Variants in RANBP2 observed in about 807,000 individuals in gnomAD.
The protein encoded by RANBP2 is RAN binding protein 2, also known as E3 SUMO-protein ligase RanBP2.
In RANBP2, 57 loss-of-function variants were observed where a neutral mutation model predicts 303.6. The observed-to-expected ratio is 0.19, with a 90% CI of 0.15 to 0.23. The LOEUF is 0.23. RANBP2 is among the 10% of genes least tolerant of loss of function. The pLI, the probability that RANBP2 is intolerant of heterozygous loss-of-function variation, is 1.00. For missense variants in RANBP2, 3,138 were observed against 3,780.8 expected (o/e 0.83, Z 4.46); for synonymous variants, 1,167 against 1,301.5 (o/e 0.90, Z 2.23).
At chr2:109,661,438 G>A in the RANBP2 span, among the ~76,000 whole-genome samples, 142 of 152,240 alleles carry the variant, frequency 9.3e-4, 1 homozygote, top group African/African-American at 3.2e-3. Flanking sequence ...AGTAGAGACA[G>A]GGTTTCACCA....
the RANBP2 span, among the ~76,000 whole-genome samples, chr2:109,252,254 G>GA: frequency 0.65 from 93,888 of 144,446 alleles, 30,420 homozygotes; most frequent in East Asian, 0.89. Context: ...TCTCAGAGGA[G>GA]AAAAAAAAAA....
At chr2:109,686,297 T>C in the RANBP2 span, among the ~76,000 whole-genome samples, 2 of 152,120 alleles carry the variant, frequency 1.3e-5, no homozygotes, top group Non-Finnish European at 2.9e-5. Context: ...TCAAATCATG[T>C]TTAAGTCAAT....
At chr2:109,170,186 C>T in the RANBP2 span, among the ~76,000 whole-genome samples, 2 of 152,146 alleles carry the variant, frequency 1.3e-5, no homozygotes, top group Admixed American at 1.3e-4. Flanking sequence ...TCCTTATCTG[C>T]AGATGAACGA....
chr2:109,656,154 T>A, the RANBP2 span, among the ~76,000 whole-genome samples: 2 of 152,194 alleles, frequency 1.3e-5, no homozygotes, highest in Non-Finnish European at 2.9e-5. Flanking sequence ...TCTTTGCTAC[T>A]GCACCATGAG....
chr2:109,215,697 C>G, the RANBP2 span, among the ~76,000 whole-genome samples: 1 of 152,146 alleles, frequency 6.6e-6, no homozygotes, highest in African/African-American at 2.4e-5. Context: ...AATCCTACAC[C>G]CAGACCGTGT....
the RANBP2 span, chr2:109,667,375 G>A: frequency 1.1e-5 from 5 of 466,434 alleles, no homozygotes; most frequent in African/African-American, 2.0e-5. Flanking sequence ...CTGTAACTCA[G>A]TTTTGATCAG....
At chr2:109,136,436 A>G in the RANBP2 span, among the ~76,000 whole-genome samples, 1 of 152,214 alleles carries the variant, frequency 6.6e-6, no homozygotes, top group African/African-American at 2.4e-5. Context: ...TATTGGCAAC[A>G]GTGAATGGTT....
At chr2:109,403,583 C>T in the RANBP2 span, among the ~76,000 whole-genome samples, 3,108 of 152,334 alleles carry the variant, frequency 0.02, 64 homozygotes, top group African/African-American at 0.049. Flanking sequence ...AAAGGAGACA[C>T]GCAGGAGAAT....
chr2:108,938,121 CAG>C, the RANBP2 span, among the ~76,000 whole-genome samples: 1 of 152,232 alleles, frequency 6.6e-6, no homozygotes, highest in Non-Finnish European at 1.5e-5. Context: ...GAATCTTCAG[CAG>C]AACCCACAGA....
At chr2:109,560,077 C>T in the RANBP2 span, among the ~76,000 whole-genome samples, 9 of 152,100 alleles carry the variant, frequency 5.9e-5, no homozygotes, top group East Asian at 1.5e-3. Flanking sequence ...CCCGCCACCA[C>T]GCCCAGCTAA....
the RANBP2 span, among the ~76,000 whole-genome samples, chr2:109,018,888 T>C: frequency 6.6e-6 from 1 of 152,232 alleles, no homozygotes; most frequent in South Asian, 2.1e-4. Context: ...GGAGAGTAAG[T>C]GTTTGCTCAC....
At chr2:109,015,256 A>G in the RANBP2 span, among the ~76,000 whole-genome samples, 1 of 151,548 alleles carries the variant, frequency 6.6e-6, no homozygotes, top group Non-Finnish European at 1.5e-5. Flanking sequence ...TCCACTAACA[A>G]GTGGATTTTC....
At chr2:109,550,318 T>G in the RANBP2 span, among the ~76,000 whole-genome samples, 8 of 148,608 alleles carry the variant, frequency 5.4e-5, no homozygotes, top group African/African-American at 2.1e-4. Flanking sequence ...TATCTTTTTT[T>G]TTTTTGTTTT....
chr2:109,473,183 G>A, the RANBP2 span, among the ~76,000 whole-genome samples: 16 of 152,096 alleles, frequency 1.1e-4, no homozygotes, highest in Admixed American at 5.2e-4. Context: ...ATTTTCCCAG[G>A]GAAGCGGCTT....
chr2:108,956,843 C>G, the RANBP2 span, among the ~76,000 whole-genome samples: 1 of 151,596 alleles, frequency 6.6e-6, no homozygotes, highest in Non-Finnish European at 1.5e-5. Context: ...GGCTACAGTG[C>G]AATGGCACGA....
At chr2:109,279,915 G>A in the RANBP2 span, among the ~76,000 whole-genome samples, 1 of 151,860 alleles carries the variant, frequency 6.6e-6, no homozygotes, top group South Asian at 2.1e-4. Flanking sequence ...GAGTTGGGAG[G>A]TAATTGGGGG....
chr2:109,038,342 A>T, the RANBP2 span, among the ~76,000 whole-genome samples: 1 of 152,112 alleles, frequency 6.6e-6, no homozygotes, highest in Non-Finnish European at 1.5e-5. Flanking sequence ...AAAATAAAAA[A>T]CTTTTGCTCT....
chr2:108,975,781 C>T, the RANBP2 span, among the ~76,000 whole-genome samples: 84 of 152,244 alleles, frequency 5.5e-4, 1 homozygote, highest in South Asian at 0.017. Context: ...GGCCAGGCTC[C>T]GTGCGGCATC....
the RANBP2 span, among the ~76,000 whole-genome samples, chr2:109,020,404 C>T: frequency 5.3e-5 from 8 of 152,164 alleles, no homozygotes; most frequent in Admixed American, 4.6e-4. Flanking sequence ...CCTCTCCATT[C>T]GGGTTCCAGT....
Sources: allele counts gnomAD v4.1 joint callset (sites outside exome capture counted in the v4.1 genomes callset), GRCh38; gene constraint gnomAD v4.1.1; transcripts MANE v1.5; gene names NCBI Gene and HGNC (gene_info 2026-07-23, HGNC 2026-07-21).